Variants in SCP2 observed in about 807,000 individuals in gnomAD.
SCP2 encodes SCP-2/3-oxoacyl-CoA thiolase.
Under a neutral mutation model 71.4 loss-of-function variants are expected in SCP2, and 48 were observed. The ratio of observed to expected loss-of-function variants is 0.67; its 90% CI spans 0.53 to 0.86. SCP2 has a LOEUF of 0.86. Among genes scored for constraint, SCP2 ranks in the 40% least tolerant of loss-of-function variants. The pLI is 0.00. For missense variants in SCP2, 560 were observed against 655.6 expected (o/e 0.85, Z 1.59); for synonymous variants, 220 against 218.1 (o/e 1.01, Z -0.08).
intron 1 of SCP2, among the ~76,000 whole-genome samples, chr1:52,935,820 A>T (rs1426515468): frequency 6.7e-6 from 1 of 149,772 alleles, no homozygotes; most frequent in East Asian, 2.0e-4. Flanking sequence ...TGCTTGTAGT[A>T]CCAGCTACTC....
At position 53,050,924 on chromosome 1, in the gene SCP2, A is replaced by T. The variant is rs373719822; in HGVS notation, c.*220A>T. The T allele has an allele frequency of 2.3e-4, 100 of 431,542 alleles. No individual in the cohort carries two copies. The highest frequency in any genetic ancestry group is 1.8e-3 in the African/African-American group (88 of 49,908). 26.7% of individuals were successfully genotyped at this position (431,542 alleles called of 1,614,324 possible). A position where few individuals can be genotyped will look rare whatever the true frequency, so the allele number is the denominator to read the frequency against. On this transcript the variant is annotated 3_prime_UTR_variant, in exon 16 of 16. Coordinates refer to ENST00000371514, the MANE Select transcript of SCP2 (RefSeq NM_002979.5). ...GCGGAATTGCATACAACTGTGCATT[A>T]CAAAGTTAATATGGTAATTATGGTC...
intron 1 of SCP2, among the ~76,000 whole-genome samples, chr1:52,935,904 C>T (rs767028134): frequency 2.0e-5 from 3 of 152,150 alleles, no homozygotes; most frequent in South Asian, 4.2e-4. Flanking sequence ...TGGCACTGTA[C>T]TGCAGCCTGG....
At chr1:52,986,134 A>G (rs1448528164) in intron 10 of SCP2, among the ~76,000 whole-genome samples, 1 of 152,202 alleles carries the variant, frequency 6.6e-6, no homozygotes, top group African/African-American at 2.4e-5. Context: ...CCAAAAGCGT[A>G]TGCATTTGTT....
chr1:52,951,137 C>G (rs1285084498), intron 4 of SCP2, among the ~76,000 whole-genome samples: 12 of 151,792 alleles, frequency 7.9e-5, no homozygotes, highest in Admixed American at 7.9e-4. Flanking sequence ...CAAAAATTAG[C>G]CGGGTATGGT....
chr1:53,042,339 GT>G lies in SCP2; in HGVS notation c.1468+3303del, dbSNP rs113677286. ...ATATGCCCATACTGATATTAAGGTT[GT>G]TTTTTTTTTAATTTCTCCTTTTCCT... On this transcript the variant is annotated intron_variant, in intron 14 of 15. Coordinates refer to ENST00000371514, the MANE Select transcript of SCP2 (RefSeq NM_002979.5). Among the ~76,000 whole-genome samples, 1,107 of 147,304 alleles carry G rather than the reference GT, an allele frequency of 7.5e-3. 17 individuals carry two copies. The highest frequency in any genetic ancestry group is 0.025 in the African/African-American group (1,024 of 40,292).
chr1:53,047,411 AGT>A (rs1663889806), intron 14 of SCP2, among the ~76,000 whole-genome samples: 1 of 152,240 alleles, frequency 6.6e-6, no homozygotes, highest in South Asian at 2.1e-4. Flanking sequence ...AGTCTGTCAC[AGT>A]TACTATTAGT....
intron 10 of SCP2, among the ~76,000 whole-genome samples, chr1:52,985,412 C>T (rs531270528): frequency 1.4e-4 from 21 of 152,126 alleles, no homozygotes; most frequent in Non-Finnish European, 2.9e-4. Context: ...GTCCTGTTGG[C>T]TATGGACTCT....
intron 14 of SCP2, among the ~76,000 whole-genome samples, chr1:53,045,192 A>G (rs1039365560): frequency 2.0e-5 from 3 of 152,236 alleles, no homozygotes; most frequent in African/African-American, 7.2e-5. Context: ...CCAGTACTCC[A>G]GAAGCCTCCC....
At chr1:53,034,558 AAAAC>A (rs1662786582) in intron 13 of SCP2, among the ~76,000 whole-genome samples, 1 of 152,188 alleles carries the variant, frequency 6.6e-6, no homozygotes, top group Admixed American at 6.5e-5. Flanking sequence ...TGAATATACT[AAAAC>A]AACCACTGAA....
At chr1:52,995,230 C>A in intron 11 of SCP2, 1 of 501,508 alleles carries the variant, frequency 2.0e-6, no homozygotes, top group Non-Finnish European at 4.0e-6. Flanking sequence ...GGTGCCTCCA[C>A]CCAAAGTGTC....
intron 11 of SCP2, among the ~76,000 whole-genome samples, chr1:53,005,590 A>G (rs1660582472): frequency 6.6e-6 from 1 of 152,206 alleles, no homozygotes. Context: ...TAACAAACAG[A>G]AAGGACATTC....
chr1:52,941,280 G>A (rs1371781582), intron 1 of SCP2, among the ~76,000 whole-genome samples: 3 of 152,130 alleles, frequency 2.0e-5, no homozygotes, highest in African/African-American at 7.2e-5. Context: ...TCTCTGTCAA[G>A]ACATTCTGTA....
At chr1:52,937,415 C>T (rs1653840052) in intron 1 of SCP2, among the ~76,000 whole-genome samples, 1 of 152,152 alleles carries the variant, frequency 6.6e-6, no homozygotes, top group South Asian at 2.1e-4. Flanking sequence ...ACATTGCTAG[C>T]ACCTCAGAAG....
chr1:52,988,540 G>A (rs1659191646), intron 11 of SCP2, among the ~76,000 whole-genome samples: 3 of 152,026 alleles, frequency 2.0e-5, no homozygotes, highest in South Asian at 4.1e-4. Context: ...CTGGCTGGCC[G>A]TGTGAAACTA....
intron 8 of SCP2, among the ~76,000 whole-genome samples, chr1:52,976,985 C>T (rs1224196390): frequency 6.6e-6 from 1 of 152,076 alleles, no homozygotes; most frequent in Non-Finnish European, 1.5e-5. Context: ...ATGTGTTTTA[C>T]TTCTTCTTGC....
intron 5 of SCP2, among the ~76,000 whole-genome samples, chr1:52,957,354 C>T (rs530002078): frequency 2.5e-4 from 38 of 152,210 alleles, no homozygotes; most frequent in Non-Finnish European, 4.0e-4. Flanking sequence ...CATATACACA[C>T]ACACATGTTA....
intron 11 of SCP2, among the ~76,000 whole-genome samples, chr1:52,998,980 C>A (rs1284940565): frequency 6.6e-6 from 1 of 152,186 alleles, no homozygotes; most frequent in African/African-American, 2.4e-5. Context: ...CTCAGGAAAT[C>A]TGCAGTATCC....
chr1:52,983,852 G>C (rs1373769946), intron 10 of SCP2, among the ~76,000 whole-genome samples: 2 of 152,064 alleles, frequency 1.3e-5, no homozygotes. Context: ...CTGATTCTTT[G>C]TATAGCAAAC....
chr1:52,939,363 T>C (rs963370890), intron 1 of SCP2, among the ~76,000 whole-genome samples: 3 of 151,592 alleles, frequency 2.0e-5, no homozygotes, highest in Admixed American at 1.3e-4. Flanking sequence ...CTGGGCAACA[T>C]AGTGAGATCC....
Sources: gnomAD v4.1 joint callset for allele counts (sites outside exome capture counted in the v4.1 genomes callset) on GRCh38, gnomAD v4.1.1 for gene constraint, MANE v1.5 for transcripts, NCBI Gene and HGNC (gene_info 2026-07-23, HGNC 2026-07-21) for gene names.